The following ARHGEF10 variants were observed in gnomAD, a reference collection of about 807,000 sequenced individuals.
ARHGEF10 encodes Rho guanine nucleotide exchange factor (GEF) 10.
Under a neutral mutation model 147.4 loss-of-function variants are expected in ARHGEF10, and 140 were observed. The observed-to-expected ratio is 0.95, with a 90% CI of 0.83 to 1.09. The LOEUF (loss-of-function observed/expected upper bound fraction) is 1.09. Among genes scored for constraint, ARHGEF10 ranks in the 50% least tolerant of loss-of-function variants. The pLI is 0.00. For synonymous variants in ARHGEF10, 902 were observed against 695.8 expected (o/e 1.30, Z -4.67); for missense variants, 2,222 against 1,752.7 (o/e 1.27, Z -4.78).
intron 1 of ARHGEF10, among the ~76,000 whole-genome samples, chr8:1,837,044 C>G (rs1243405983): frequency 6.6e-6 from 1 of 152,218 alleles, no homozygotes; most frequent in Non-Finnish European, 1.5e-5. Flanking sequence ...TCTTTATCAG[C>G]AGCGTGAAAG....
intron 26 of ARHGEF10, among the ~76,000 whole-genome samples, chr8:1,940,087 G>T (rs970537735): frequency 1.3e-5 from 2 of 152,142 alleles, no homozygotes; most frequent in African/African-American, 2.4e-5. Flanking sequence ...CATGGGTTTG[G>T]TTTTTTTAAA....
rs1206689628 is a variant in ARHGEF10 at position 1,832,909 on chromosome 8, CAGACAG to C, written c.-48+8799_-48+8804del. Reference sequence around the variant, plus strand: ...AGAGGCAGACGCAGAGACAGAGAGACAGACAGAGGCAGAGACAGAGGCAGAGACAGA... The same window carrying C: ...AGAGGCAGACGCAGAGACAGAGAGACAGGCAGAGACAGAGGCAGAGACAGA... On this transcript the variant is annotated intron_variant, in intron 1 of 28. Transcript: ENST00000349830. 2.5e-4 allele frequency among the ~76,000 whole-genome samples: 10 copies of C among 39,332 alleles called. 1 individual carries two copies. The highest frequency in any genetic ancestry group is 2.5e-3 in the Admixed American group (10 of 3,994). The allele number at this position is 39,332 out of a possible 152,430, so 25.8% of individuals were successfully genotyped here.
At chr8:1,938,664 G>A (rs899357755) in intron 26 of ARHGEF10, among the ~76,000 whole-genome samples, 8 of 152,154 alleles carry the variant, frequency 5.3e-5, no homozygotes, top group South Asian at 2.1e-4. Flanking sequence ...AAGCGGGCAC[G>A]GTGGCTCACA....
chr8:1,902,554 G>C (rs1031839419), intron 15 of ARHGEF10, among the ~76,000 whole-genome samples: 2 of 151,952 alleles, frequency 1.3e-5, no homozygotes, highest in African/African-American at 4.8e-5. Context: ...GCAAAATTGA[G>C]CGGAAAGTAC....
At chr8:1,888,846 A>AAG (rs1809074746) in intron 11 of ARHGEF10, among the ~76,000 whole-genome samples, 1 of 74,090 alleles carries the variant, frequency 1.3e-5, no homozygotes, top group Admixed American at 1.3e-4. Context: ...GAATAGGGTG[A>AAG]GGTTTGTGAG....
intron 25 of ARHGEF10, 124 bp downstream of exon 25, chr8:1,929,567 C>T (rs1812953678): frequency 5.0e-6 from 6 of 1,195,166 alleles, no homozygotes; most frequent in Non-Finnish European, 5.7e-6. Context: ...TCCGCCCCTG[C>T]GCTCGTCACC....
At position 1,943,011 on chromosome 8, in the gene ARHGEF10, C is replaced by T. The variant is rs962334281; in HGVS notation, c.3223-2470C>T. On this transcript the variant is annotated intron_variant, in intron 26 of 28. Transcript: ENST00000349830. Reference sequence around the variant, plus strand: ...GCAACTTCCCGAATATACTAAAAAGCACAGAATTGCGCCCTATAGAAGGGT... The same window carrying T: ...GCAACTTCCCGAATATACTAAAAAGTACAGAATTGCGCCCTATAGAAGGGT... Among the ~76,000 whole-genome samples, 4 of 152,172 alleles carry T rather than the reference C, an allele frequency of 2.6e-5. No individual in the cohort carries two copies. The South Asian group carries it at 8.3e-4, about 31-fold the overall frequency.
At chr8:1,908,227 ATT>A (rs11288174) in intron 17 of ARHGEF10, among the ~76,000 whole-genome samples, 2,130 of 110,062 alleles carry the variant, frequency 0.019, 57 homozygotes, top group African/African-American at 0.07. Flanking sequence ...CCACACTTTG[ATT>A]TTTTTTTTTT....
At chr8:1,926,280 A>T in intron 22 of ARHGEF10, 97 bp from the exon 23 acceptor site, 1 of 976,544 alleles carries the variant, frequency 1.0e-6, no homozygotes, top group Non-Finnish European at 1.7e-6. Context: ...TTCTGTGTTT[A>T]TACATTGGAA....
intron 1 of ARHGEF10, among the ~76,000 whole-genome samples, chr8:1,833,388 C>A (rs111381047): frequency 0.52 from 64,080 of 122,418 alleles, 14,962 homozygotes; most frequent in Middle Eastern, 0.64. Context: ...GCAGGTGCAG[C>A]GACAGGGGCA....
At chr8:1,944,519 G>A (rs1334115036) in intron 26 of ARHGEF10, among the ~76,000 whole-genome samples, 1 of 152,242 alleles carries the variant, frequency 6.6e-6, no homozygotes, top group African/African-American at 2.4e-5. Flanking sequence ...CACGGGGCAT[G>A]TGTGTGGAGT....
intron 1 of ARHGEF10, among the ~76,000 whole-genome samples, chr8:1,828,019 T>C (rs1202207321): frequency 6.6e-6 from 1 of 152,284 alleles, no homozygotes; most frequent in Admixed American, 6.5e-5. Flanking sequence ...GGTTCCAATA[T>C]CTTAATGACC....
intron 21 of ARHGEF10, among the ~76,000 whole-genome samples, chr8:1,924,677 C>G (rs1462724963): frequency 6.6e-6 from 1 of 152,210 alleles, no homozygotes. Flanking sequence ...CTCTCTCTTG[C>G]TGAATAATTT....
At chr8:1,905,826 T>C (rs756791389) in intron 17 of ARHGEF10, 110 bp downstream of exon 17, 18 of 1,415,226 alleles carry the variant, frequency 1.3e-5, no homozygotes, top group Non-Finnish European at 1.8e-5. Flanking sequence ...ACTGGTTTTT[T>C]GTGCCAAAGC....
At position 1,888,494 on chromosome 8, in the gene ARHGEF10, GA is replaced by G. The variant is rs1424129089; in HGVS notation, c.1182+2789del. Among the ~76,000 whole-genome samples, 74 of 141,074 alleles carry G rather than the reference GA, an allele frequency of 5.2e-4. 1 individual carries two copies. Among genetic ancestry groups the G allele is most frequent in the African/African-American group, 1.9e-3 (65 of 34,924 alleles). 92.6% of individuals were successfully genotyped at this position (141,074 alleles called of 152,430 possible). ...ATTGAGGAGACACTGAGTGGGGTAAGAAGTCTGTGGAGATACTGAGTGGGGT... is the reference window on the plus strand; with the variant it reads ...ATTGAGGAGACACTGAGTGGGGTAAGAGTCTGTGGAGATACTGAGTGGGGT... On this transcript the variant is annotated intron_variant, in intron 11 of 28. Coordinates refer to ENST00000349830, the MANE Select transcript of ARHGEF10 (RefSeq NM_014629.4).
intron 17 of ARHGEF10, among the ~76,000 whole-genome samples, chr8:1,906,150 A>T (rs997871565): frequency 6.6e-6 from 1 of 152,238 alleles, no homozygotes; most frequent in South Asian, 2.1e-4. Flanking sequence ...TTCACTTAAA[A>T]TAGTTTTACA....
At chr8:1,918,013 C>T (rs1163663318) in intron 18 of ARHGEF10, among the ~76,000 whole-genome samples, 1 of 151,726 alleles carries the variant, frequency 6.6e-6, no homozygotes, top group Admixed American at 6.6e-5. Flanking sequence ...GTCTCGAACT[C>T]CTGACCTCAG....
In ARHGEF10 at chr8:1,928,491, A is replaced by C; in HGVS notation, c.2762A>C (p.Lys921Thr). 4.3e-6 allele frequency: 7 copies of C among 1,614,044 alleles called. No homozygotes were observed. The highest frequency in any genetic ancestry group is 5.1e-6 in the Non-Finnish European group (6 of 1,180,000). The change falls in exon 24 of 29, where the codon AAA (lysine) becomes ACA (threonine). Residue 921 changes from lysine to threonine, a missense_variant. Physicochemically the swap from Lys to Thr is moderately conservative, Grantham distance 78. Coordinates refer to ENST00000349830, the MANE Select transcript of ARHGEF10 (RefSeq NM_014629.4). ...GTCTCGTTTCAAAATTCCACTCCCA[A>C]AGTCATTGAGTGCTTCAACGTGGAA... ...AIVSFQNSTP[K>T]VIECFNVESR...
At chr8:1,832,030 C>G (rs1803141240) in intron 1 of ARHGEF10, among the ~76,000 whole-genome samples, 1 of 152,154 alleles carries the variant, frequency 6.6e-6, no homozygotes, top group Non-Finnish European at 1.5e-5. Context: ...GGACAGGAGT[C>G]TGTGGAATGC....
Sources: allele counts gnomAD v4.1 joint callset (sites outside exome capture counted in the v4.1 genomes callset), GRCh38; gene constraint gnomAD v4.1.1; transcripts MANE v1.5; gene names NCBI Gene and HGNC (gene_info 2026-07-23, HGNC 2026-07-21).